NTN1: variants seen among roughly 807,000 people sequenced by gnomAD.
NTN1 encodes the protein netrin 1.
A neutral mutation model predicts 54.2 loss-of-function variants in NTN1; 11 were observed. The ratio of observed to expected loss-of-function variants is 0.20; its 90% CI spans 0.13 to 0.34. NTN1 has a LOEUF of 0.34. NTN1 is among the 10% of genes least tolerant of loss of function. The probability of loss-of-function intolerance (pLI) is 1.00; values close to 1 mark genes in which losing one functional copy is unlikely to be tolerated. For missense variants in NTN1, 740 were observed against 893.1 expected (o/e 0.83, Z 2.18); for synonymous variants, 371 against 382.0 (o/e 0.97, Z 0.33).
rs1597556699 is a variant in NTN1 at position 9,239,583 on chromosome 17, G to A, written c.1487-57G>A. ...TTTCCCTTCTCCCCAGGCTCAGGCA[G>A]GGCGGACCTAGCCACAGCAGCTGGG... On this transcript the variant is annotated intron_variant, in intron 6 of 6. Coordinates refer to ENST00000173229, the MANE Select transcript of NTN1 (RefSeq NM_004822.3). The surrounding 1 kb of genome is among the most constrained non-coding windows in gnomAD (Gnocchi z 5.2). 3 of 1,548,418 alleles carry A rather than the reference G, an allele frequency of 1.9e-6. No homozygotes were observed. Among genetic ancestry groups the A allele is most frequent in the Non-Finnish European group, 8.8e-7 (1 of 1,131,128 alleles).
intron 2 of NTN1, among the ~76,000 whole-genome samples, chr17:9,131,737 C>T (rs1393424474): frequency 3.9e-5 from 6 of 152,036 alleles, no homozygotes; most frequent in African/African-American, 9.7e-5. Context: ...TGCACCTCCA[C>T]GCCTGGCTAA....
chr17:9,126,361 T>G (rs2092247050), intron 2 of NTN1, among the ~76,000 whole-genome samples: 2 of 152,068 alleles, frequency 1.3e-5, no homozygotes, highest in African/African-American at 4.8e-5. Context: ...ATACAAAAAA[T>G]TAGCCGGGCG....
chr17:9,164,550 C>T (rs2092368562), intron 3 of NTN1, among the ~76,000 whole-genome samples: 1 of 150,950 alleles, frequency 6.6e-6, no homozygotes, highest in African/African-American at 2.5e-5. Context: ...CAAGCTGGTG[C>T]CCTTCTGAGC....
At chr17:9,031,352 G>C (rs191929529) in intron 2 of NTN1, among the ~76,000 whole-genome samples, 1 of 152,204 alleles carries the variant, frequency 6.6e-6, no homozygotes, top group Admixed American at 6.5e-5. Context: ...GGGCGGCCGT[G>C]GTGAGTACCC....
intron 2 of NTN1, among the ~76,000 whole-genome samples, chr17:9,027,998 GCCGGTAAT>G (rs2091876768): frequency 1.3e-5 from 2 of 151,780 alleles, no homozygotes. Flanking sequence ...AGTGGCGGGT[GCCGGTAAT>G]CCTAGCTACT....
In NTN1 at chr17:9,092,915, C is replaced by T. The variant is rs562006235; in HGVS notation, c.1018+69524C>T. Among the ~76,000 whole-genome samples, 98 of 152,310 alleles carry T rather than the reference C, an allele frequency of 6.4e-4. 1 individual carries two copies. The South Asian group carries it at 0.013, about 20-fold the overall frequency. On this transcript the variant is annotated intron_variant, in intron 2 of 6. Coordinates refer to ENST00000173229, the MANE Select transcript of NTN1 (RefSeq NM_004822.3). ...CTGGGACTACGGGTGCCCACCACCACGCCCGGCTAATTTTTTGTATTTTTA... is the reference window on the plus strand; with the variant it reads ...CTGGGACTACGGGTGCCCACCACCATGCCCGGCTAATTTTTTGTATTTTTA...
At chr17:9,215,443 T>A (rs1324871854) in intron 5 of NTN1, among the ~76,000 whole-genome samples, 1 of 152,222 alleles carries the variant, frequency 6.6e-6, no homozygotes, top group Non-Finnish European at 1.5e-5. Context: ...CACAGAGATA[T>A]CAATCACATC....
chr17:9,014,218 T>C, the NTN1 span, among the ~76,000 whole-genome samples: 1 of 152,190 alleles, frequency 6.6e-6, no homozygotes, highest in African/African-American at 2.4e-5. Flanking sequence ...TGAAATCCTG[T>C]CCAGGGACCT....
intron 5 of NTN1, among the ~76,000 whole-genome samples, chr17:9,210,154 T>C (rs981471307): frequency 6.6e-6 from 1 of 152,052 alleles, no homozygotes; most frequent in Non-Finnish European, 1.5e-5. Context: ...GAACTCCAAC[T>C]TTCATCCAGT....
intron 2 of NTN1, among the ~76,000 whole-genome samples, chr17:9,141,914 T>C (rs1022379869): frequency 6.6e-6 from 1 of 151,856 alleles, no homozygotes; most frequent in Non-Finnish European, 1.5e-5. Context: ...CTACAAAAAT[T>C]AGCTGGGCGT....
At chr17:9,034,285 G>T (rs2091896527) in intron 2 of NTN1, among the ~76,000 whole-genome samples, 1 of 152,144 alleles carries the variant, frequency 6.6e-6, no homozygotes, top group Admixed American at 6.5e-5. Context: ...GTAGGGTTCT[G>T]ATCCTAGACC....
At chr17:9,143,974 G>C (rs964288974) in intron 2 of NTN1, among the ~76,000 whole-genome samples, 2 of 150,850 alleles carry the variant, frequency 1.3e-5, no homozygotes, top group African/African-American at 4.9e-5. Context: ...TCGGCCCACT[G>C]CAAGTCCACC....
chr17:9,087,693 C>G (rs562881629), intron 2 of NTN1, among the ~76,000 whole-genome samples: 1 of 152,366 alleles, frequency 6.6e-6, no homozygotes, highest in Non-Finnish European at 1.5e-5. Context: ...AGGATTGAAT[C>G]AAGCTGAGAG....
At chr17:9,156,411 C>T (rs1225051128) in intron 2 of NTN1, among the ~76,000 whole-genome samples, 1 of 152,154 alleles carries the variant, frequency 6.6e-6, no homozygotes, top group Non-Finnish European at 1.5e-5. Flanking sequence ...ACCAAATGGC[C>T]TTCCTGCTCC....
At chr17:9,182,830 T>C (rs914302835) in intron 4 of NTN1, 86 bp from the exon 5 acceptor site, 34 of 1,366,152 alleles carry the variant, frequency 2.5e-5, no homozygotes, top group African/African-American at 4.3e-5. Context: ...GAGGAGTCTG[T>C]GCTGGGCTCA....
chr17:9,095,658 G>A (rs562472174), intron 2 of NTN1, among the ~76,000 whole-genome samples: 2 of 152,084 alleles, frequency 1.3e-5, no homozygotes, highest in Admixed American at 6.5e-5. Context: ...TCCCTTGGCT[G>A]GTCTTTTGCA....
At chr17:9,056,764 T>G (rs2091980716) in intron 2 of NTN1, among the ~76,000 whole-genome samples, 1 of 152,272 alleles carries the variant, frequency 6.6e-6, no homozygotes, top group South Asian at 2.1e-4. Context: ...GGTAGTGATG[T>G]GAGCACTTAA....
At chr17:9,118,008 T>C (rs1401722740) in intron 2 of NTN1, among the ~76,000 whole-genome samples, 1 of 152,188 alleles carries the variant, frequency 6.6e-6, no homozygotes, top group Admixed American at 6.5e-5. Context: ...GCGTAGCTCA[T>C]GGGGCCATGC....
At chr17:9,133,900 T>G (rs868186263) in intron 2 of NTN1, among the ~76,000 whole-genome samples, 2 of 84,336 alleles carry the variant, frequency 2.4e-5, no homozygotes, top group Admixed American at 2.5e-4. Flanking sequence ...GGGCCTAGCC[T>G]TTTTTTTTTT....
Sources: gnomAD v4.1 joint callset for allele counts (sites outside exome capture counted in the v4.1 genomes callset) on GRCh38, gnomAD v4.1.1 for gene constraint, Gnocchi (gnomAD v3.1) non-coding constraint, MANE v1.5 for transcripts, NCBI Gene and HGNC (gene_info 2026-07-23, HGNC 2026-07-21) for gene names.